ELMO1: variants seen among roughly 807,000 people sequenced by gnomAD.
ELMO1 encodes the protein engulfment and cell motility protein 1.
ELMO1 carries 26 observed loss-of-function variants against 98.9 expected under a neutral mutation model. That is an observed-to-expected ratio of 0.26 (90% CI 0.19 to 0.36). ELMO1 has a LOEUF of 0.36. Among genes scored for constraint, ELMO1 ranks in the 10% least tolerant of loss-of-function variants. The probability of loss-of-function intolerance (pLI) is 1.00; values close to 1 mark genes in which losing one functional copy is unlikely to be tolerated. For synonymous variants in ELMO1, 346 were observed against 346.0 expected, an observed-to-expected ratio of 1.00 and a Z score of 0.00; for missense variants, 627 against 935.2, an observed-to-expected ratio of 0.67 and a Z score of 4.30.
intron 4 of ELMO1, among the ~76,000 whole-genome samples, chr7:37,273,459 T>C (rs1796673854): frequency 6.6e-6 from 1 of 152,220 alleles, no homozygotes; most frequent in African/African-American, 2.4e-5. Context: ...TCTGCCATGA[T>C]TGTTAAGTTT....
chr7:37,104,344 G>T (rs540747143), intron 14 of ELMO1, among the ~76,000 whole-genome samples: 34 of 151,914 alleles, frequency 2.2e-4, no homozygotes, highest in Non-Finnish European at 4.7e-4. Context: ...TAACTTTAAT[G>T]TGTGTCAGAA....
rs140916282 is a variant in ELMO1, at chr7:37,175,638, G to C, written c.1086+35748C>G. ...AGGCAGGCAGATTGCCTGAGCTCAGGAGTTCGAGACCAGCCTGGGAAACAT... is the reference window on the plus strand; with the variant it reads ...AGGCAGGCAGATTGCCTGAGCTCAGCAGTTCGAGACCAGCCTGGGAAACAT... On this transcript the variant is annotated intron_variant, in intron 13 of 21. Coordinates refer to ENST00000310758, the MANE Select transcript of ELMO1 (RefSeq NM_014800.11). Among the ~76,000 whole-genome samples, 1,010 of 152,300 alleles carry C rather than the reference G, an allele frequency of 6.6e-3. 7 individuals carry two copies. The highest frequency in any genetic ancestry group is 0.011 in the Non-Finnish European group (718 of 68,034).
chr7:37,356,977 G>T (rs1052067595), intron 1 of ELMO1, among the ~76,000 whole-genome samples: 2 of 152,024 alleles, frequency 1.3e-5, no homozygotes, highest in Non-Finnish European at 2.9e-5. Flanking sequence ...CCTCTTTCCA[G>T]AGGAGTCCTG....
intron 16 of ELMO1, among the ~76,000 whole-genome samples, chr7:36,954,973 C>T (rs997226067): frequency 5.9e-5 from 9 of 152,200 alleles, no homozygotes; most frequent in African/African-American, 1.9e-4. Context: ...TCCCACAACC[C>T]GTGACCCTGA....
In ELMO1 at chr7:37,234,790, G is replaced by C. The variant is rs979228773; in HGVS notation, c.450-1596C>G. ...CCCTCCAAATGCTGTGCAGTGAATTGTAAGTAGCGTGTGAGTGTTACTACA... is the reference window on the plus strand; with the variant it reads ...CCCTCCAAATGCTGTGCAGTGAATTCTAAGTAGCGTGTGAGTGTTACTACA... On this transcript the variant is annotated intron_variant, in intron 7 of 21. Transcript: ENST00000310758. 2.0e-5 allele frequency among the ~76,000 whole-genome samples: 3 copies of C among 152,216 alleles called. No homozygotes were observed. The East Asian group carries it at 5.8e-4, about 29-fold the overall frequency.
At chr7:37,140,561 C>T (rs972981709) in intron 13 of ELMO1, among the ~76,000 whole-genome samples, 3 of 152,086 alleles carry the variant, frequency 2.0e-5, no homozygotes, top group Non-Finnish European at 4.4e-5. Flanking sequence ...AAAGCTTCTG[C>T]ACAGAAAAGG....
chr7:37,192,871 A>G (rs562322262), intron 13 of ELMO1, among the ~76,000 whole-genome samples: 9 of 146,498 alleles, frequency 6.1e-5, no homozygotes, highest in Non-Finnish European at 1.2e-4. Context: ...AGATACATAC[A>G]TGTTTATATA....
intron 13 of ELMO1, among the ~76,000 whole-genome samples, chr7:37,134,611 G>A (rs569165288): frequency 1.5e-4 from 22 of 151,278 alleles, no homozygotes; most frequent in South Asian, 2.1e-4. Context: ...ATCTGCACTC[G>A]TATGTTTATT....
At chr7:37,435,313 C>T (rs1273280616) in intron 1 of ELMO1, 1 of 152,202 alleles carries the variant, frequency 6.6e-6, no homozygotes, top group Non-Finnish European at 1.5e-5. Context: ...TACTCCTATC[C>T]CTTTCCTGAA....
At chr7:37,314,979 AC>A in intron 3 of ELMO1, 57 bp from the exon 4 acceptor site, 1 of 1,530,048 alleles carries the variant, frequency 6.5e-7, no homozygotes, top group Middle Eastern at 1.8e-4. Context: ...TTTCATTTTT[AC>A]AATTTTTTAG....
chr7:37,145,693 C>T (rs1787936551), intron 13 of ELMO1, among the ~76,000 whole-genome samples: 1 of 152,198 alleles, frequency 6.6e-6, no homozygotes, highest in Non-Finnish European at 1.5e-5. Flanking sequence ...CAATGCTTGC[C>T]AGATGGCATA....
chr7:37,061,247 T>C (rs1276532866), intron 15 of ELMO1, among the ~76,000 whole-genome samples: 1 of 152,126 alleles, frequency 6.6e-6, no homozygotes, highest in Non-Finnish European at 1.5e-5. Context: ...ACATAACTGG[T>C]CCTAGAGACC....
At chr7:37,102,908 C>T (rs1270307342) in intron 14 of ELMO1, among the ~76,000 whole-genome samples, 2 of 152,180 alleles carry the variant, frequency 1.3e-5, no homozygotes, top group African/African-American at 4.8e-5. Flanking sequence ...CACATGGTCA[C>T]AAAGGAGTGA....
chr7:37,161,937 T>TA (rs1270129084), intron 13 of ELMO1, among the ~76,000 whole-genome samples: 13 of 111,688 alleles, frequency 1.2e-4, no homozygotes, highest in East Asian at 7.9e-4. Context: ...TATATATATG[T>TA]TAAGCGTGAT....
chr7:37,386,534 G>A (rs1802809931), intron 1 of ELMO1, among the ~76,000 whole-genome samples: 1 of 152,110 alleles, frequency 6.6e-6, no homozygotes, highest in South Asian at 2.1e-4. Context: ...GGAGAGAGCA[G>A]CTAAACTACC....
At chr7:36,953,919 T>C (rs1228327659) in intron 16 of ELMO1, among the ~76,000 whole-genome samples, 4 of 149,664 alleles carry the variant, frequency 2.7e-5, no homozygotes, top group Admixed American at 6.7e-5. Flanking sequence ...AGTAGGAACT[T>C]TGGAAGAAGG....
At chr7:37,341,561 A>C (rs191809622) in intron 2 of ELMO1, among the ~76,000 whole-genome samples, 6 of 152,312 alleles carry the variant, frequency 3.9e-5, no homozygotes, top group Admixed American at 1.3e-4. Flanking sequence ...CAAAAATCCC[A>C]AAAATTTACC....
At chr7:37,129,698 A>G (rs746391496) in intron 14 of ELMO1, among the ~76,000 whole-genome samples, 1 of 152,178 alleles carries the variant, frequency 6.6e-6, no homozygotes, top group Non-Finnish European at 1.5e-5. Flanking sequence ...CCATTTCTCT[A>G]TAATTTCCCA....
chr7:37,338,224 G>A (rs1800525902), intron 2 of ELMO1, among the ~76,000 whole-genome samples: 1 of 151,788 alleles, frequency 6.6e-6, no homozygotes, highest in African/African-American at 2.4e-5. Flanking sequence ...TTATCCCAAA[G>A]AAACTGAGGC....
Sources: gnomAD v4.1 joint callset for allele counts (sites outside exome capture counted in the v4.1 genomes callset) on GRCh38, gnomAD v4.1.1 for gene constraint, MANE v1.5 for transcripts, NCBI Gene and HGNC (gene_info 2026-07-23, HGNC 2026-07-21) for gene names.